SUMF1: variants seen among roughly 807,000 people sequenced by gnomAD.
SUMF1 encodes the protein sulfatase modifying factor 1, also known as formylglycine-generating enzyme.
SUMF1 carries 48 observed loss-of-function variants against 47.6 expected under a neutral mutation model. The observed-to-expected ratio is 1.01, with a 90% CI of 0.80 to 1.28. The LOEUF (loss-of-function observed/expected upper bound fraction) is 1.28. SUMF1 is among the 50% of genes most tolerant of loss of function. The probability of loss-of-function intolerance (pLI) is 0.00; values close to 1 mark genes in which losing one functional copy is unlikely to be tolerated. For missense variants in SUMF1, 571 were observed against 485.4 expected, an observed-to-expected ratio of 1.18 and a Z score of -1.66; for synonymous variants, 230 against 192.1, an observed-to-expected ratio of 1.20 and a Z score of -1.63.
chr3:4,231,765 C>G (rs890080999), intron 8 of SUMF1, among the ~76,000 whole-genome samples: 3 of 152,050 alleles, frequency 2.0e-5, no homozygotes, highest in African/African-American at 7.2e-5. Flanking sequence ...TGAGAAGAAT[C>G]TTGGCAATGG....
intron 8 of SUMF1, among the ~76,000 whole-genome samples, chr3:4,247,346 A>G (rs1696693930): frequency 6.6e-6 from 1 of 152,216 alleles, no homozygotes; most frequent in African/African-American, 2.4e-5. Flanking sequence ...CCATTAATTC[A>G]ATTCAACTCT....
At chr3:4,203,783 T>C (rs915096558) in intron 8 of SUMF1, among the ~76,000 whole-genome samples, 7 of 151,924 alleles carry the variant, frequency 4.6e-5, no homozygotes, top group African/African-American at 1.7e-4. Context: ...GAGGTTACCA[T>C]GAGGCTTGAA....
At chr3:4,267,132 T>G (rs1181645882) in intron 8 of SUMF1, among the ~76,000 whole-genome samples, 1 of 152,170 alleles carries the variant, frequency 6.6e-6, no homozygotes, top group Non-Finnish European at 1.5e-5. Context: ...TTTGCCAGTA[T>G]TTTATTGAGG....
At chr3:4,444,223 T>G (rs891124587) in intron 3 of SUMF1, among the ~76,000 whole-genome samples, 1 of 152,198 alleles carries the variant, frequency 6.6e-6, no homozygotes. Context: ...TCCAGAAAAG[T>G]TGACTTTAAA....
chr3:4,420,478 C>G (rs569721019), intron 3 of SUMF1, among the ~76,000 whole-genome samples: 2 of 149,308 alleles, frequency 1.3e-5, no homozygotes, highest in African/African-American at 2.5e-5. Flanking sequence ...CTCACTGCAA[C>G]CTCCGCCTCC....
chr3:4,089,637 A>G (rs1218199966), intron 8 of SUMF1, among the ~76,000 whole-genome samples: 1 of 152,166 alleles, frequency 6.6e-6, no homozygotes, highest in Non-Finnish European at 1.5e-5. Context: ...GGGAAGAATA[A>G]TATATTAGTC....
chr3:4,284,725 G>GAA (rs537189350), intron 8 of SUMF1, among the ~76,000 whole-genome samples: 153 of 147,910 alleles, frequency 1.0e-3, no homozygotes, highest in African/African-American at 3.6e-3. Flanking sequence ...AAAAACTCCT[G>GAA]AAAAAAAAAA....
chr3:4,230,749 G>T (rs997440555), intron 8 of SUMF1, among the ~76,000 whole-genome samples: 7 of 151,992 alleles, frequency 4.6e-5, no homozygotes, highest in African/African-American at 1.7e-4. Context: ...CGTCTTTCTG[G>T]TGACCAGCCC....
At chr3:4,259,642 G>A (rs1292538910) in intron 8 of SUMF1, among the ~76,000 whole-genome samples, 1 of 152,032 alleles carries the variant, frequency 6.6e-6, no homozygotes, top group African/African-American at 2.4e-5. Flanking sequence ...TCTAAGAAGG[G>A]AATTACATGT....
At chr3:4,203,999 G>C (rs1695597236) in intron 8 of SUMF1, among the ~76,000 whole-genome samples, 1 of 151,916 alleles carries the variant, frequency 6.6e-6, no homozygotes, top group African/African-American at 2.4e-5. Context: ...TACTACTCAA[G>C]ACATAAGTAG....
chr3:4,211,119 T>TATATATATATATACAC (rs1440211464), intron 8 of SUMF1, among the ~76,000 whole-genome samples: 1 of 133,780 alleles, frequency 7.5e-6, no homozygotes, highest in African/African-American at 3.0e-5. Context: ...TATATATATA[T>TATATATATATATACAC]ATACACACAC....
intron 1 of SUMF1, among the ~76,000 whole-genome samples, chr3:4,457,320 TCTATCAAATGTAATTC>T (rs1260875529): frequency 9.2e-5 from 14 of 152,156 alleles, no homozygotes; most frequent in African/African-American, 2.2e-4. Flanking sequence ...CAATGTAATT[TCTATCAAATGTAATTC>T]CTATCAAATG....
At chr3:4,056,487 C>T (rs538920909) in intron 9 of SUMF1, among the ~76,000 whole-genome samples, 66 of 151,964 alleles carry the variant, frequency 4.3e-4, no homozygotes, top group African/African-American at 1.5e-3. Context: ...CAGCCTGGGC[C>T]GCATAGTGAG....
At chr3:4,253,039 AAG>A (rs1433239993) in intron 8 of SUMF1, among the ~76,000 whole-genome samples, 1 of 152,164 alleles carries the variant, frequency 6.6e-6, no homozygotes. Flanking sequence ...GTTTTTCCAT[AAG>A]AGTTTTAAAT....
intron 8 of SUMF1, among the ~76,000 whole-genome samples, chr3:4,092,481 C>G (rs1692809367): frequency 6.6e-6 from 1 of 152,232 alleles, no homozygotes; most frequent in South Asian, 2.1e-4. Context: ...AATGTGTCAG[C>G]TTTATTTTGC....
At chr3:4,114,595 T>C (rs1403071030) in intron 8 of SUMF1, among the ~76,000 whole-genome samples, 1 of 150,676 alleles carries the variant, frequency 6.6e-6, no homozygotes, top group African/African-American at 2.5e-5. Flanking sequence ...TAAAAATTAA[T>C]GAGACCCGTA....
intron 8 of SUMF1, among the ~76,000 whole-genome samples, chr3:4,095,551 G>A (rs1427833931): frequency 6.6e-6 from 1 of 152,016 alleles, no homozygotes; most frequent in African/African-American, 2.4e-5. Context: ...GATGTTTTCT[G>A]CCACTGACAA....
intron 9 of SUMF1, among the ~76,000 whole-genome samples, chr3:4,036,338 T>C (rs1007394092): frequency 6.6e-6 from 1 of 152,158 alleles, no homozygotes; most frequent in Admixed American, 6.5e-5. Context: ...TTATCTTATT[T>C]TGAGGCTCTG....
chr3:4,452,882 C>G lies in SUMF1; in HGVS notation c.438G>C (p.Leu146Phe), dbSNP rs888031791. 2.5e-6 allele frequency: 4 copies of G among 1,614,166 alleles called. No individual in the cohort carries two copies. In the African/African-American group the frequency reaches 5.3e-5, roughly 22 times the overall value. Residue 146 changes from leucine (L) to phenylalanine (F), a missense_variant, in exon 2 of 9, where the codon TTG (leucine) becomes TTC (phenylalanine). Leu to Phe is a conservative substitution (Grantham distance 22, BLOSUM62 0). Transcript: ENST00000272902. ...FEKFVNSTGY[L>F]TEAEKFGDSF... The stretch of plus-strand genomic sequence containing the variant: ...CTTTCCCCAATCCCATTACCTCTGT[C>G]AAATAGCCAGTTGAGTTCACAAACT...
Sources: gnomAD v4.1 joint callset for allele counts (sites outside exome capture counted in the v4.1 genomes callset) on GRCh38, gnomAD v4.1.1 for gene constraint, MANE v1.5 for transcripts, NCBI Gene and HGNC (gene_info 2026-07-23, HGNC 2026-07-21) for gene names.